TMF1: variants seen among roughly 807,000 people sequenced by gnomAD.
TMF1 encodes the protein TATA element modulatory factor 1.
Under a neutral mutation model 126.5 loss-of-function variants are expected in TMF1, and 71 were observed. The ratio of observed to expected loss-of-function variants is 0.56; its 90% CI spans 0.46 to 0.68. The LOEUF (loss-of-function observed/expected upper bound fraction) is 0.68, where lower values mean the gene tolerates loss of function less well. Among genes scored for constraint, TMF1 ranks in the 30% least tolerant of loss-of-function variants. The pLI, the probability that TMF1 is intolerant of heterozygous loss-of-function variation, is 0.00. For synonymous variants in TMF1, 461 were observed against 430.5 expected (o/e 1.07, Z -0.88); for missense variants, 1,259 against 1,253.2 (o/e 1.00, Z -0.07).
At chr3:69,027,514 G>A (rs2091776203) in intron 13 of TMF1, among the ~76,000 whole-genome samples, 1 of 151,916 alleles carries the variant, frequency 6.6e-6, no homozygotes, top group Non-Finnish European at 1.5e-5. Flanking sequence ...CTCTGAGCAG[G>A]ACACTGATTA....
rs1298034171 is a variant in TMF1, at chr3:69,048,871, G to C, written c.143-309C>G. ...CCCACAACAAATTAAGGAAGTAACAGTATATGTTTTATAACCCACAGTAAG... is the reference window on the plus strand; with the variant it reads ...CCCACAACAAATTAAGGAAGTAACACTATATGTTTTATAACCCACAGTAAG... On this transcript the variant is annotated intron_variant, in intron 1 of 16. Coordinates refer to ENST00000398559, the MANE Select transcript of TMF1 (RefSeq NM_007114.3). 3.1e-5 allele frequency: 7 copies of C among 228,708 alleles called. No individual in the cohort carries two copies. In the South Asian group the frequency reaches 6.8e-4, roughly 22 times the overall value. 14.2% of individuals were successfully genotyped at this position (228,708 alleles called of 1,614,324 possible).
rs1416227898 is a variant in TMF1 at position 69,023,206 on chromosome 3, CTATT to C, written c.3249_3252del (p.Ile1084MetfsTer4). On this transcript the variant is annotated frameshift_variant, in exon 17 of 17. Transcript: ENST00000398559. LOFTEE classifies it high-confidence loss of function. ...CTGAGACTTTGTCTTAAAAGTTCAT[CTATT>C]TGAGTTTTGTACATATTTTTTACAT... 1.9e-6 allele frequency: 3 copies of C among 1,610,846 alleles called. No individual in the cohort carries two copies. The highest frequency in any genetic ancestry group is 1.1e-5 in the South Asian group (1 of 90,736).
chr3:69,047,384 G>C lies in TMF1; in HGVS notation c.1321C>G (p.Leu441Val), dbSNP rs1172822494. The C allele has an allele frequency of 4.4e-6, 7 of 1,595,350 alleles. No homozygotes were observed. The highest frequency in any genetic ancestry group is 6.0e-6 in the Non-Finnish European group (7 of 1,169,204). The change falls in exon 2 of 17, where the codon CTT (leucine) becomes GTT (valine). Residue 441 changes from leucine (L) to valine (V), a missense_variant. Coordinates refer to ENST00000398559, the MANE Select transcript of TMF1 (RefSeq NM_007114.3). The stretch of plus-strand genomic sequence containing the variant: ...TTGCAAACATCTTCCTTCTCAGAAA[G>C]TGCTTCTGGCTGACTTTCAGCAGGT... The part of the protein sequence containing the change: ...CEPAESQPEA[L>V]SEKEDVCKTV...
rs1745 is a variant in TMF1 at position 69,021,306 on chromosome 3, G to A, written c.*1871C>T. On this transcript the variant is annotated 3_prime_UTR_variant, in exon 17 of 17. Coordinates refer to ENST00000398559, the MANE Select transcript of TMF1 (RefSeq NM_007114.3). ...GTTTCAGACGTTCACTGGGGGTCTT[G>A]GAACGTATGTCCCATGGGTAAGAGG... The A allele has an allele frequency of 0.25, 37,615 of 152,402 alleles. 5,226 individuals are homozygous for A. Among genetic ancestry groups the A allele is most frequent in the East Asian group, 0.53 (2,724 of 5,160 alleles). 9.4% of individuals were successfully genotyped at this position (152,402 alleles called of 1,614,324 possible).
chr3:69,039,418 T>A, intron 6 of TMF1, 133 bp downstream of exon 6: 1 of 1,037,750 alleles, frequency 9.6e-7, no homozygotes, highest in East Asian at 2.7e-5. Context: ...TCTTATCATT[T>A]ATCTATTGTT....
chr3:69,035,401 G>A (rs148527377), intron 8 of TMF1: 232 of 346,584 alleles, frequency 6.7e-4, no homozygotes, highest in African/African-American at 4.1e-3. Flanking sequence ...AAGACAGTGC[G>A]TCTATAAATA....
intron 5 of TMF1, 92 bp from the exon 6 acceptor site, chr3:69,039,785 G>C: frequency 7.2e-7 from 1 of 1,391,880 alleles, no homozygotes; most frequent in South Asian, 1.4e-5. Flanking sequence ...TAAAAGAACA[G>C]AATTTTTTTA....
At position 69,052,147 on chromosome 3, in the gene TMF1, G is replaced by C; in HGVS notation, c.-61C>G. ...CAAGCGGGAAGGCCTCAGGCCTGGG[G>C]AAGGGTGCAGAGGAACGGCTTCGCT... On this transcript the variant is annotated 5_prime_UTR_variant, in exon 1 of 17. Transcript: ENST00000398559. 2 of 1,553,200 alleles carry C rather than the reference G, an allele frequency of 1.3e-6. No individual in the cohort carries two copies. The highest frequency in any genetic ancestry group is 1.7e-6 in the Non-Finnish European group (2 of 1,153,454).
At position 69,024,049 on chromosome 3, in the gene TMF1, A is replaced by G; in HGVS notation, c.3138+6T>C. 1 of 1,598,384 alleles carries G rather than the reference A, an allele frequency of 6.3e-7. No individual in the cohort carries two copies. The highest frequency in any genetic ancestry group is 8.5e-7 in the Non-Finnish European group (1 of 1,175,156). ...TTAGACTCATCCTTAGGTGAAGAAT[A>G]CTTACTCTTAGCTGAGTTCTAAGTT... On this transcript the variant is annotated splice_donor_region_variant and intron_variant, in intron 16 of 16. Transcript: ENST00000398559.
At chr3:69,035,217 A>T in intron 8 of TMF1, 102 bp from the exon 9 acceptor site, 1 of 872,168 alleles carries the variant, frequency 1.1e-6, no homozygotes, top group South Asian at 1.6e-5. Flanking sequence ...GTTCATGTAT[A>T]CTATTTCATA....
rs2091934914 is a variant in TMF1, at chr3:69,052,155, C to T, written c.-69G>A. 12 of 1,489,884 alleles carry T rather than the reference C, an allele frequency of 8.1e-6. No homozygotes were observed. The highest frequency in any genetic ancestry group is 1.1e-5 in the Non-Finnish European group (12 of 1,116,412). The allele number at this position is 1,489,884 out of a possible 1,614,324, so 92.3% of individuals were successfully genotyped here. A position where few individuals can be genotyped will look rare whatever the true frequency, so the allele number is the denominator to read the frequency against. ...AAGGCCTCAGGCCTGGGGAAGGGTG[C>T]AGAGGAACGGCTTCGCTCCCCTTTT... On this transcript the variant is annotated 5_prime_UTR_variant, in exon 1 of 17. Transcript: ENST00000398559.
chr3:69,039,924 T>C (rs2091854237), intron 5 of TMF1, among the ~76,000 whole-genome samples: 1 of 152,178 alleles, frequency 6.6e-6, no homozygotes. Flanking sequence ...CACTCTCATA[T>C]ATCACCTACT....
At chr3:69,039,290 C>T (rs930474324) in intron 6 of TMF1, among the ~76,000 whole-genome samples, 4 of 152,070 alleles carry the variant, frequency 2.6e-5, no homozygotes, top group Admixed American at 6.5e-5. Context: ...TTAGCAGAGA[C>T]AGGGTTTCGC....
chr3:69,042,745 T>G, intron 5 of TMF1, 62 bp downstream of exon 5: 1 of 1,338,892 alleles, frequency 7.5e-7, no homozygotes, highest in Non-Finnish European at 1.1e-6. Context: ...CAGCTAGTTA[T>G]GTGGCAAGTA....
rs1286595476 is a variant in TMF1 at position 69,047,954 on chromosome 3, A to G, written c.751T>C (p.Ser251Pro). ...TPSPPVSTFS[S>P]GTSTTSDIEV... ...ATATCACTGGTGGTAGAAGTACCTG[A>G]TGAAAAGGTACTAACAGGAGGAGAA... is the stretch of plus-strand genomic sequence containing the variant. Residue 251 changes from serine (S) to proline (P), a missense_variant, in exon 2 of 17, where the codon TCA (serine) becomes CCA (proline). By Grantham distance (74) the Ser-to-Pro change is moderately conservative. Coordinates refer to ENST00000398559, the MANE Select transcript of TMF1 (RefSeq NM_007114.3). 1 of 1,613,866 alleles carries G rather than the reference A, an allele frequency of 6.2e-7. No homozygotes were observed. Among genetic ancestry groups the G allele is most frequent in the Admixed American group, 1.7e-5 (1 of 60,020 alleles).
chr3:69,022,698 C>T lies in TMF1; in HGVS notation c.*479G>A, dbSNP rs1275904978. 1 of 152,374 alleles carries T rather than the reference C, an allele frequency of 6.6e-6. No homozygotes were observed. The highest frequency in any genetic ancestry group is 1.5e-5 in the Non-Finnish European group (1 of 67,930). The allele number at this position is 152,374 out of a possible 1,614,324, so 9.4% of individuals were successfully genotyped here. On this transcript the variant is annotated 3_prime_UTR_variant, in exon 17 of 17. Coordinates refer to ENST00000398559, the MANE Select transcript of TMF1 (RefSeq NM_007114.3). ...GATTTAATAATTTTTTACTTTAACA[C>T]TTAATGTACATTTTCATGAGCAGTA...
chr3:69,037,730 C>T (rs544768020), intron 8 of TMF1, among the ~76,000 whole-genome samples: 14 of 152,010 alleles, frequency 9.2e-5, no homozygotes, highest in African/African-American at 3.4e-4. Flanking sequence ...TGCTTGAATC[C>T]GGGAGGCAGA....
rs189211810 is a variant in TMF1, at chr3:69,028,526, T to C, written c.2595-231A>G. Among the ~76,000 whole-genome samples the C allele has an allele frequency of 2.9e-3, 446 of 152,356 alleles. 1 individual carries two copies. Among genetic ancestry groups the C allele is most frequent in the Non-Finnish European group, 1.9e-3 (131 of 68,036 alleles). The stretch of plus-strand genomic sequence containing the variant: ...TTCTGTGCATTTTATTTATTGGTGC[T>C]CTGGGTTAAGATTTCATTTAAAAAG... On this transcript the variant is annotated intron_variant, in intron 11 of 16. Transcript: ENST00000398559.
At chr3:69,025,814 G>A in intron 14 of TMF1, 102 bp from the exon 15 acceptor site, 1 of 1,352,800 alleles carries the variant, frequency 7.4e-7, no homozygotes, top group South Asian at 1.4e-5. Flanking sequence ...TGCTTTAAAT[G>A]TCTTCTCAAA....
Sources: gnomAD v4.1 joint callset for allele counts (sites outside exome capture counted in the v4.1 genomes callset) on GRCh38, gnomAD v4.1.1 for gene constraint, MANE v1.5 for transcripts, NCBI Gene and HGNC (gene_info 2026-07-23, HGNC 2026-07-21) for gene names.